The following ACYP2 variants were observed in gnomAD, a reference collection of about 807,000 sequenced individuals.
ACYP2 encodes acylphosphatase 2, also known as acylphosphatase-2.
ACYP2 carries 12 observed loss-of-function variants against 11.2 expected under a neutral mutation model. The ratio of observed to expected loss-of-function variants is 1.08; its 90% CI spans 0.69 to 1.74. The LOEUF (loss-of-function observed/expected upper bound fraction) is 1.74. Ranked by LOEUF, ACYP2 falls within the 40% of genes most tolerant of loss-of-function variation. The pLI is 0.00. For missense variants in ACYP2, 134 were observed against 101.9 expected (o/e 1.31, Z -1.35); for synonymous variants, 43 against 32.2 (o/e 1.33, Z -1.13).
chr2:54,278,809 ATAATT>A (rs1688725907), intron 6 of ACYP2, among the ~76,000 whole-genome samples: 1 of 152,208 alleles, frequency 6.6e-6, no homozygotes, highest in Non-Finnish European at 1.5e-5. Context: ...TTTCTTAAAA[ATAATT>A]TTATTTTTTG....
At chr2:54,102,808 C>T (rs1160377504) in intron 4 of ACYP2, among the ~76,000 whole-genome samples, 3 of 152,134 alleles carry the variant, frequency 2.0e-5, no homozygotes, top group Admixed American at 6.6e-5. Context: ...CATTCTGAGG[C>T]AGGCTTTCTC....
intron 6 of ACYP2, among the ~76,000 whole-genome samples, chr2:54,298,629 C>G (rs1392948239): frequency 1.3e-5 from 2 of 152,216 alleles, no homozygotes; most frequent in Non-Finnish European, 2.9e-5. Flanking sequence ...AAGGCTCAGG[C>G]TACTGGAAGT....
chr2:54,197,972 G>A (rs942861257), intron 6 of ACYP2, among the ~76,000 whole-genome samples: 7 of 120,164 alleles, frequency 5.8e-5, no homozygotes, highest in African/African-American at 2.8e-4. Flanking sequence ...GTATTGTATT[G>A]TATTGTATTG....
In ACYP2 at chr2:53,971,117, G is replaced by T. The variant is rs940363101; in HGVS notation, c.-241G>T. On this transcript the variant is annotated 5_prime_UTR_variant, in exon 1 of 7. Transcript: ENST00000607452. The stretch of plus-strand genomic sequence containing the variant: ...GACGGCGTCGGGGGAGGCGGTGGTG[G>T]CGGCAGCTGGAGCCCAACGGGCTGC... The T allele has an allele frequency of 2.5e-5, 6 of 240,842 alleles. No homozygotes were observed. The highest frequency in any genetic ancestry group is 4.0e-5 in the Non-Finnish European group (5 of 126,274). The allele number at this position is 240,842 out of a possible 1,614,324, so 14.9% of individuals were successfully genotyped here.
At chr2:53,983,469 G>GCC (rs1671865821) in intron 2 of ACYP2, among the ~76,000 whole-genome samples, 1 of 152,148 alleles carries the variant, frequency 6.6e-6, no homozygotes, top group Non-Finnish European at 1.5e-5. Context: ...TTGCACCACT[G>GCC]CCCTCCAGCC....
intron 6 of ACYP2, among the ~76,000 whole-genome samples, chr2:54,272,921 T>C (rs1688375545): frequency 1.3e-5 from 2 of 152,234 alleles, no homozygotes; most frequent in African/African-American, 4.8e-5. Flanking sequence ...ATGTGGAAGC[T>C]TCTATAAAGA....
rs1245687541 is a variant in ACYP2 at position 54,051,644 on chromosome 2, G to A, written c.155+594G>A. ...TGACAAGCAGCCTTATGAAAAGAAGGCTGCGAAGTTGAAGGAAAAATATGA... is the reference window on the plus strand; with the variant it reads ...TGACAAGCAGCCTTATGAAAAGAAGACTGCGAAGTTGAAGGAAAAATATGA... On this transcript the variant is annotated intron_variant, in intron 3 of 6. Transcript: ENST00000607452. 4.1e-6 allele frequency: 3 copies of A among 737,134 alleles called. No individual in the cohort carries two copies. In the South Asian group the frequency reaches 4.1e-5, roughly 10 times the overall value. The allele number at this position is 737,134 out of a possible 1,614,324, so 45.7% of individuals were successfully genotyped here. A position where few individuals can be genotyped will look rare whatever the true frequency, so the allele number is the denominator to read the frequency against.
At chr2:54,045,836 A>G (rs1258535049) in intron 2 of ACYP2, among the ~76,000 whole-genome samples, 1 of 151,270 alleles carries the variant, frequency 6.6e-6, no homozygotes, top group Non-Finnish European at 1.5e-5. Context: ...ATTGTGGAAC[A>G]CTTTCTGCTG....
chr2:54,072,551 A>T (rs62140998), intron 4 of ACYP2, among the ~76,000 whole-genome samples: 1,384 of 28,958 alleles, frequency 0.048, no homozygotes, highest in Middle Eastern at 0.12. Flanking sequence ...TCCTTCCTTC[A>T]TTATTTTCTT....
chr2:54,111,550 C>T (rs1006405440), intron 4 of ACYP2, among the ~76,000 whole-genome samples: 2 of 152,222 alleles, frequency 1.3e-5, no homozygotes, highest in Admixed American at 6.5e-5. Context: ...GCTGATAGAA[C>T]GCTTAAGCAA....
At chr2:54,227,489 A>G (rs1686057843) in intron 6 of ACYP2, among the ~76,000 whole-genome samples, 3 of 152,064 alleles carry the variant, frequency 2.0e-5, no homozygotes, top group African/African-American at 4.8e-5. Context: ...AATACAAAAA[A>G]TTATCCGGTT....
At chr2:54,070,270 C>CAAAA (rs200624759) in intron 4 of ACYP2, among the ~76,000 whole-genome samples, 7 of 89,770 alleles carry the variant, frequency 7.8e-5, no homozygotes, top group Admixed American at 1.2e-4. Context: ...AAGTCCATCT[C>CAAAA]AAAAAAAAAA....
intron 6 of ACYP2, among the ~76,000 whole-genome samples, chr2:54,228,388 C>T (rs965658966): frequency 6.6e-6 from 1 of 152,148 alleles, no homozygotes; most frequent in African/African-American, 2.4e-5. Context: ...ATCTGTTATT[C>T]ATGTGTAAGG....
chr2:54,140,902 G>T (rs1393619982), intron 6 of ACYP2, among the ~76,000 whole-genome samples: 1 of 152,070 alleles, frequency 6.6e-6, no homozygotes, highest in African/African-American at 2.4e-5. Context: ...AAAAATATTT[G>T]TCAGACTGCT....
Position 54,143,733 on chromosome 2 carries a change from GTTTTTT to G in ACYP2, c.404+5004_404+5009del, listed in dbSNP as rs545149069. On this transcript the variant is annotated intron_variant, in intron 6 of 6. Coordinates refer to ENST00000607452, the MANE Select transcript of ACYP2 (RefSeq NM_001320586.2). Reference sequence around the variant, plus strand: ...AGGCATGAGCCACCATACCCAGCCGGTTTTTTTTTTTTTTTTTTTTTTTTGGGGGGG... The same window carrying G: ...AGGCATGAGCCACCATACCCAGCCGGTTTTTTTTTTTTTTTTTTGGGGGGG... Among the ~76,000 whole-genome samples the G allele has an allele frequency of 2.4e-3, 187 of 76,708 alleles. 1 individual carries two copies. The highest frequency in any genetic ancestry group is 9.5e-3 in the African/African-American group (160 of 16,852). 50.3% of individuals were successfully genotyped at this position (76,708 alleles called of 152,430 possible).
chr2:54,178,339 C>T (rs887657191), intron 6 of ACYP2, among the ~76,000 whole-genome samples: 4 of 152,098 alleles, frequency 2.6e-5, no homozygotes, highest in Admixed American at 1.3e-4. Flanking sequence ...ATGGCTGGAC[C>T]GTGAACCTTG....
chr2:54,019,836 T>A (rs1374177157), intron 2 of ACYP2, among the ~76,000 whole-genome samples: 2 of 151,522 alleles, frequency 1.3e-5, no homozygotes, highest in African/African-American at 4.9e-5. Context: ...ATCAGGTTGG[T>A]CTCGAACTCC....
intron 4 of ACYP2, among the ~76,000 whole-genome samples, chr2:54,094,043 G>C (rs1164322836): frequency 1.3e-5 from 2 of 152,176 alleles, no homozygotes; most frequent in African/African-American, 4.8e-5. Context: ...GCTATGAAGA[G>C]CTGTCCTACT....
intron 2 of ACYP2, among the ~76,000 whole-genome samples, chr2:54,007,138 C>CAAAAAAAAAAAAAAAAAAAA (rs70944145): frequency 3.8e-5 from 2 of 52,206 alleles, no homozygotes; most frequent in Admixed American, 2.9e-4. Flanking sequence ...GACTCTGTGT[C>CAAAAAAAAAAAAAAAAAAAA]AAAAAAAAAA....
Sources: gnomAD v4.1 joint callset for allele counts (sites outside exome capture counted in the v4.1 genomes callset) on GRCh38, gnomAD v4.1.1 for gene constraint, MANE v1.5 for transcripts, NCBI Gene and HGNC (gene_info 2026-07-23, HGNC 2026-07-21) for gene names.